The following DPP10 variants were observed in gnomAD, a reference collection of about 807,000 sequenced individuals.
DPP10 encodes inactive dipeptidyl peptidase 10.
DPP10 carries 33 observed loss-of-function variants against 120.9 expected under a neutral mutation model. That is an observed-to-expected ratio of 0.27 (90% CI 0.21 to 0.37). DPP10 has a LOEUF of 0.37. DPP10 is among the 10% of genes least tolerant of loss of function. The pLI is 1.00. For synonymous variants in DPP10, 337 were observed against 326.1 expected, an observed-to-expected ratio of 1.03 and a Z score of -0.36; for missense variants, 816 against 942.8, an observed-to-expected ratio of 0.87 and a Z score of 1.76.
intron 1 of DPP10, among the ~76,000 whole-genome samples, chr2:114,558,322 C>A (rs1474950371): frequency 1.3e-5 from 2 of 152,228 alleles, no homozygotes; most frequent in Non-Finnish European, 2.9e-5. Context: ...TTTCCTCCAA[C>A]TAATTGGGCT....
At chr2:114,991,625 T>G (rs1423087155) in intron 1 of DPP10, among the ~76,000 whole-genome samples, 1 of 152,198 alleles carries the variant, frequency 6.6e-6, no homozygotes, top group Non-Finnish European at 1.5e-5. Flanking sequence ...GAAAGAGAGA[T>G]AATTTGTTAT....
intron 1 of DPP10, among the ~76,000 whole-genome samples, chr2:114,634,999 T>C (rs1488163569): frequency 6.6e-6 from 1 of 151,920 alleles, no homozygotes; most frequent in Non-Finnish European, 1.5e-5. Context: ...TTTTGGTTCA[T>C]TTTTCAAAAT....
intron 4 of DPP10, among the ~76,000 whole-genome samples, chr2:115,525,588 G>A (rs528216807): frequency 1.3e-5 from 2 of 151,856 alleles, no homozygotes; most frequent in African/African-American, 4.8e-5. Flanking sequence ...AAGCATTTTG[G>A]TTACTCAGGA....
intron 1 of DPP10, among the ~76,000 whole-genome samples, chr2:114,646,370 C>T (rs577991244): frequency 6.6e-6 from 1 of 152,066 alleles, no homozygotes; most frequent in Non-Finnish European, 1.5e-5. Flanking sequence ...AAAATGAGAA[C>T]AGGAGGCCAA....
intron 1 of DPP10, among the ~76,000 whole-genome samples, chr2:114,508,419 A>C (rs1196926648): frequency 6.6e-6 from 1 of 152,160 alleles, no homozygotes; most frequent in Non-Finnish European, 1.5e-5. Context: ...GTTAAGTGTA[A>C]TAATATTTTG....
At chr2:115,681,280 G>A (rs1201735217) in intron 5 of DPP10, among the ~76,000 whole-genome samples, 2 of 151,654 alleles carry the variant, frequency 1.3e-5, no homozygotes, top group Non-Finnish European at 3.0e-5. Context: ...TGGAAAATAT[G>A]AACAATCTAA....
intron 1 of DPP10, among the ~76,000 whole-genome samples, chr2:115,263,897 C>T (rs1158526946): frequency 6.6e-6 from 1 of 152,020 alleles, no homozygotes; most frequent in Non-Finnish European, 1.5e-5. Context: ...AACACACACA[C>T]ACACACACAT....
intron 1 of DPP10, among the ~76,000 whole-genome samples, chr2:114,658,405 G>C (rs545941193): frequency 6.6e-6 from 1 of 152,092 alleles, no homozygotes; most frequent in African/African-American, 2.4e-5. Context: ...TGGCAAATAA[G>C]TTTCAAAAGT....
Position 114,852,151 on chromosome 2 carries a change from C to T in DPP10, c.60+409313C>T, listed in dbSNP as rs531836237. On this transcript the variant is annotated intron_variant, in intron 1 of 25. Coordinates refer to ENST00000410059, the MANE Select transcript of DPP10 (RefSeq NM_020868.6). ...GGGAAATTTTTATAGCGATTGCATC[C>T]TTTTTTTTTTTTTTTTTTTTTTTTT... Among the ~76,000 whole-genome samples the T allele has an allele frequency of 1.5e-4, 8 of 53,730 alleles. No individual in the cohort carries two copies. The South Asian group carries it at 6.5e-3, about 44-fold the overall frequency. 35.2% of individuals were successfully genotyped at this position (53,730 alleles called of 152,430 possible). A position where few individuals can be genotyped will look rare whatever the true frequency, so the allele number is the denominator to read the frequency against.
chr2:115,662,415 A>G (rs1360951343), intron 5 of DPP10, among the ~76,000 whole-genome samples: 5 of 140,384 alleles, frequency 3.6e-5, no homozygotes, highest in African/African-American at 1.4e-4. Context: ...AGATAGCTCT[A>G]TTTTTATTTT....
intron 1 of DPP10, among the ~76,000 whole-genome samples, chr2:114,483,453 CT>C (rs1009910340): frequency 1.8e-4 from 27 of 147,736 alleles, no homozygotes; most frequent in East Asian, 1.2e-3. Flanking sequence ...TAATCGTATT[CT>C]TTTTTTTTTA....
intron 1 of DPP10, among the ~76,000 whole-genome samples, chr2:115,104,108 T>A (rs749578911): frequency 1.3e-5 from 2 of 152,016 alleles, no homozygotes; most frequent in African/African-American, 2.4e-5. Flanking sequence ...GAATTTTCCA[T>A]TTGTGGTGTC....
intron 4 of DPP10, among the ~76,000 whole-genome samples, chr2:115,525,313 G>C (rs2078062081): frequency 6.6e-6 from 1 of 151,938 alleles, no homozygotes; most frequent in Admixed American, 6.6e-5. Context: ...CCTCAAATTT[G>C]TTCAATTATT....
At chr2:114,765,283 G>A (rs138695743) in intron 1 of DPP10, among the ~76,000 whole-genome samples, 1 of 152,222 alleles carries the variant, frequency 6.6e-6, no homozygotes, top group Admixed American at 6.5e-5. Flanking sequence ...ATAAAAACTT[G>A]ATGTTAAACA....
intron 1 of DPP10, among the ~76,000 whole-genome samples, chr2:115,173,218 A>C (rs1209384526): frequency 2.6e-5 from 4 of 152,198 alleles, no homozygotes; most frequent in Non-Finnish European, 5.9e-5. Context: ...AATCCAAAAA[A>C]ACTAATATGG....
chr2:115,555,253 A>G (rs2080136515), intron 5 of DPP10, among the ~76,000 whole-genome samples: 1 of 151,936 alleles, frequency 6.6e-6, no homozygotes, highest in Non-Finnish European at 1.5e-5. Context: ...AGAGGAGGAA[A>G]AACTTTCCTC....
chr2:114,974,419 T>TC (rs1201321792), intron 1 of DPP10, among the ~76,000 whole-genome samples: 5 of 144,632 alleles, frequency 3.5e-5, no homozygotes, highest in Non-Finnish European at 4.5e-5. Context: ...TTTTTATCCT[T>TC]TTTTTTTTTT....
At chr2:115,672,720 C>CTCTT (rs2089999665) in intron 5 of DPP10, among the ~76,000 whole-genome samples, 1 of 68,174 alleles carries the variant, frequency 1.5e-5, no homozygotes, top group African/African-American at 4.9e-5. Flanking sequence ...CTCTTTCTTT[C>CTCTT]TCTTTCTCTC....
intron 5 of DPP10, among the ~76,000 whole-genome samples, chr2:115,680,256 A>G (rs1228792240): frequency 6.6e-6 from 1 of 152,022 alleles, no homozygotes; most frequent in Non-Finnish European, 1.5e-5. Flanking sequence ...CAGTTTAACT[A>G]GAATTTAATA....
Sources: allele counts gnomAD v4.1 joint callset (sites outside exome capture counted in the v4.1 genomes callset), GRCh38; gene constraint gnomAD v4.1.1; transcripts MANE v1.5; gene names NCBI Gene and HGNC (gene_info 2026-07-23, HGNC 2026-07-21).